MYO6: variants seen among roughly 807,000 people sequenced by gnomAD.
MYO6 encodes myosin VI.
MYO6 carries 74 observed loss-of-function variants against 178.7 expected under a neutral mutation model. The ratio of observed to expected loss-of-function variants is 0.41; its 90% CI spans 0.34 to 0.50. The LOEUF (loss-of-function observed/expected upper bound fraction) is 0.50, where lower values mean the gene tolerates loss of function less well. Among genes scored for constraint, MYO6 ranks in the 20% least tolerant of loss-of-function variants. The pLI is 0.09. For missense variants in MYO6, 1,330 were observed against 1,547.4 expected, an observed-to-expected ratio of 0.86 and a Z score of 2.36; for synonymous variants, 477 against 504.6, an observed-to-expected ratio of 0.95 and a Z score of 0.73.
intron 6 of MYO6, among the ~76,000 whole-genome samples, chr6:75,835,510 C>A (rs750269910): frequency 6.6e-6 from 1 of 152,148 alleles, no homozygotes; most frequent in Non-Finnish European, 1.5e-5. Flanking sequence ...TGGTTCACTG[C>A]AACCTTGGCC....
intron 1 of MYO6, 82 bp downstream of exon 1, chr6:75,749,505 C>T (rs567929454): frequency 2.0e-5 from 3 of 152,240 alleles, no homozygotes; most frequent in Non-Finnish European, 2.9e-5. Context: ...CGGGCCTCCT[C>T]GAGCAGCTCC....
Position 75,805,021 on chromosome 6 carries a change from A to ATT in MYO6, c.-47-12461_-47-12460dup, listed in dbSNP as rs58697772. 1.2e-3 allele frequency among the ~76,000 whole-genome samples: 92 copies of ATT among 77,272 alleles called. 1 individual carries two copies. The highest frequency in any genetic ancestry group is 2.4e-3 in the African/African-American group (24 of 9,844). The allele number at this position is 77,272 out of a possible 152,430, so 50.7% of individuals were successfully genotyped here. On this transcript the variant is annotated intron_variant, in intron 1 of 34. Coordinates refer to ENST00000369977, the MANE Select transcript of MYO6 (RefSeq NM_004999.4). ...CACACACATATATATATATATATAT[A>ATT]TTTTTTTTTTTTTTTTTTTTGAGAC...
At chr6:75,856,479 ACTTT>A (rs938615410) in intron 12 of MYO6, among the ~76,000 whole-genome samples, 3 of 149,116 alleles carry the variant, frequency 2.0e-5, no homozygotes, top group African/African-American at 7.4e-5. Flanking sequence ...TCCAAATTTG[ACTTT>A]CTTTTTTTTT....
chr6:75,868,919 A>G (rs750925335), intron 18 of MYO6, among the ~76,000 whole-genome samples: 20 of 152,152 alleles, frequency 1.3e-4, no homozygotes, highest in Non-Finnish European at 2.9e-4. Flanking sequence ...TATGTTTTCA[A>G]ATAAAAATAC....
intron 5 of MYO6, 81 bp downstream of exon 5, chr6:75,830,626 A>G (rs1772985795): frequency 3.8e-6 from 5 of 1,322,400 alleles, no homozygotes; most frequent in Admixed American, 1.8e-5. Flanking sequence ...TGGATTAATA[A>G]AAGATACCAT....
intron 1 of MYO6, among the ~76,000 whole-genome samples, chr6:75,808,594 G>A (rs1026931273): frequency 6.6e-5 from 10 of 152,166 alleles, no homozygotes; most frequent in African/African-American, 2.4e-4. Context: ...AGGTGGGAGA[G>A]ATGGGCCTCA....
chr6:75,785,219 A>C (rs1399634091), intron 1 of MYO6, among the ~76,000 whole-genome samples: 1 of 152,154 alleles, frequency 6.6e-6, no homozygotes, highest in Non-Finnish European at 1.5e-5. Context: ...TACAAGTTAC[A>C]TTGGTTTTAT....
intron 2 of MYO6, among the ~76,000 whole-genome samples, chr6:75,822,378 A>C (rs532749293): frequency 1.3e-5 from 2 of 152,310 alleles, no homozygotes; most frequent in African/African-American, 2.4e-5. Context: ...GATTATAGGC[A>C]TGAGCCACTG....
intron 29 of MYO6, among the ~76,000 whole-genome samples, chr6:75,897,336 A>G (rs1779381705): frequency 2.0e-5 from 3 of 152,212 alleles, no homozygotes. Flanking sequence ...GTATTGCTCA[A>G]AAGATAATTT....
intron 1 of MYO6, among the ~76,000 whole-genome samples, chr6:75,811,019 GT>G (rs771589156): frequency 2.1e-5 from 3 of 140,208 alleles, no homozygotes; most frequent in African/African-American, 2.6e-5. Context: ...AAGCAGTTTT[GT>G]TTTTTTTTTG....
chr6:75,810,529 A>G (rs1232579960), intron 1 of MYO6, among the ~76,000 whole-genome samples: 2 of 152,154 alleles, frequency 1.3e-5, no homozygotes, highest in African/African-American at 2.4e-5. Flanking sequence ...ATAATGAGGC[A>G]TGTCTGACCT....
intron 1 of MYO6, among the ~76,000 whole-genome samples, chr6:75,771,510 CTAAA>C (rs1020724143): frequency 3.9e-5 from 6 of 152,084 alleles, no homozygotes; most frequent in East Asian, 3.8e-4. Context: ...GTATTTCTCT[CTAAA>C]TAGAGTTTAG....
intron 31 of MYO6, 106 bp downstream of exon 31, chr6:75,907,814 G>GTA: frequency 1.3e-6 from 1 of 796,440 alleles, no homozygotes; most frequent in Non-Finnish European, 2.1e-6. Context: ...GTGTGTGTGT[G>GTA]TGTATGTGTG....
chr6:75,900,204 A>G (rs995990097), intron 30 of MYO6, among the ~76,000 whole-genome samples: 5 of 151,998 alleles, frequency 3.3e-5, no homozygotes, highest in Non-Finnish European at 7.4e-5. Context: ...ATACGTGTGC[A>G]TGTGTCTTTA....
intron 30 of MYO6, among the ~76,000 whole-genome samples, chr6:75,899,689 G>A (rs1424256559): frequency 6.8e-6 from 1 of 146,188 alleles, no homozygotes; most frequent in Non-Finnish European, 1.5e-5. Flanking sequence ...AGGACTAATG[G>A]CCACACATTA....
At chr6:75,903,084 T>G (rs1469417635) in intron 30 of MYO6, among the ~76,000 whole-genome samples, 1 of 152,240 alleles carries the variant, frequency 6.6e-6, no homozygotes, top group African/African-American at 2.4e-5. Context: ...CACTGTGGTC[T>G]GAGAGATAGT....
At chr6:75,859,111 C>T in intron 14 of MYO6, 118 bp downstream of exon 14, 1 of 722,038 alleles carries the variant, frequency 1.4e-6, no homozygotes, top group African/African-American at 1.8e-5. Flanking sequence ...CGGAAGGTGG[C>T]TCAGGGAATC....
intron 1 of MYO6, among the ~76,000 whole-genome samples, chr6:75,782,713 T>C (rs1767108282): frequency 6.6e-6 from 1 of 152,152 alleles, no homozygotes; most frequent in Non-Finnish European, 1.5e-5. Flanking sequence ...CCTGTGTTTA[T>C]GTGTCCTTGT....
intron 11 of MYO6, among the ~76,000 whole-genome samples, chr6:75,849,726 G>A (rs1465627108): frequency 3.3e-5 from 5 of 152,162 alleles, no homozygotes; most frequent in African/African-American, 1.2e-4. Flanking sequence ...TTCAAGGCGG[G>A]AAATACGTGC....
Sources: gnomAD v4.1 joint callset for allele counts (sites outside exome capture counted in the v4.1 genomes callset) on GRCh38, gnomAD v4.1.1 for gene constraint, MANE v1.5 for transcripts, NCBI Gene and HGNC (gene_info 2026-07-23, HGNC 2026-07-21) for gene names.